The following SLC39A10 variants were observed in gnomAD, a reference collection of about 807,000 sequenced individuals.
The protein encoded by SLC39A10 is solute carrier family 39 member 10, also known as zinc transporter ZIP10.
Under a neutral mutation model 65.1 loss-of-function variants are expected in SLC39A10, and 13 were observed. The observed-to-expected ratio is 0.20, with a 90% confidence interval of 0.13 to 0.32. The LOEUF (loss-of-function observed/expected upper bound fraction) is 0.32. Ranked by LOEUF, SLC39A10 falls within the 10% of genes least tolerant of loss-of-function variation. The probability of loss-of-function intolerance (pLI) is 1.00; values close to 1 mark genes in which losing one functional copy is unlikely to be tolerated. For missense variants in SLC39A10, 831 were observed against 1,018.4 expected (o/e 0.82, Z 2.50); for synonymous variants, 321 against 342.2 (o/e 0.94, Z 0.68).
intron 2 of SLC39A10, 33 bp downstream of exon 2, chr2:195,681,083 G>A (rs367986449): frequency 4.2e-5 from 66 of 1,560,720 alleles, no homozygotes; most frequent in Non-Finnish European, 5.3e-5. Context: ...TAGCTGCTTC[G>A]TAATTCTCAC....
intron 3 of SLC39A10, among the ~76,000 whole-genome samples, chr2:195,701,337 C>CT (rs35540908): frequency 0.067 from 7,042 of 105,858 alleles, 314 homozygotes; most frequent in African/African-American, 0.13. Context: ...ATCTTCTTGA[C>CT]TTTTTTTTTT....
At chr2:195,667,914 T>C (rs1027033575) in intron 1 of SLC39A10, among the ~76,000 whole-genome samples, 3 of 152,178 alleles carry the variant, frequency 2.0e-5, no homozygotes, top group African/African-American at 7.2e-5. Context: ...TAACAAATAT[T>C]TTACAAAAAT....
chr2:195,655,516 T>C (rs939860612), upstream of SLC39A10, among the ~76,000 whole-genome samples: 28 of 152,246 alleles, frequency 1.8e-4, no homozygotes, highest in Admixed American at 1.8e-3. Flanking sequence ...AAGCTTCTTA[T>C]GCTTTGCACA....
intron 8 of SLC39A10, among the ~76,000 whole-genome samples, chr2:195,720,047 C>T (rs1057274189): frequency 3.3e-5 from 5 of 152,156 alleles, no homozygotes; most frequent in African/African-American, 1.2e-4. Context: ...GCCTCGGCCT[C>T]CCAAAGTCCT....
At chr2:195,633,885 TA>T (rs1259239235) in intron 2 of SLC39A10, among the ~76,000 whole-genome samples, 1 of 152,194 alleles carries the variant, frequency 6.6e-6, no homozygotes, top group Non-Finnish European at 1.5e-5. Flanking sequence ...AAAACAGAGA[TA>T]TCAGTTCTCG....
chr2:195,692,553 T>C (rs1690786725), intron 3 of SLC39A10, among the ~76,000 whole-genome samples: 1 of 152,180 alleles, frequency 6.6e-6, no homozygotes, highest in Admixed American at 6.5e-5. Context: ...CTTATAGAGG[T>C]CTTTAACCTA....
At chr2:195,670,141 G>A (rs1325249501) in intron 1 of SLC39A10, among the ~76,000 whole-genome samples, 5 of 152,056 alleles carry the variant, frequency 3.3e-5, no homozygotes, top group Non-Finnish European at 7.4e-5. Flanking sequence ...CCTGGTGACA[G>A]AGCAAGATTC....
intron 8 of SLC39A10, among the ~76,000 whole-genome samples, chr2:195,726,262 C>T (rs887157980): frequency 1.2e-4 from 18 of 151,980 alleles, no homozygotes; most frequent in Non-Finnish European, 1.5e-4. Flanking sequence ...CATTTTTAAA[C>T]GCATTATTAA....
chr2:195,737,174 G>GTATT lies in SLC39A10; in HGVS notation c.*2134_*2137dup, dbSNP rs1553509450. Reference sequence around the variant, plus strand: ...AAGAGGGCTGTAACAGTTGCTGCTAGTATTAGGGTTCCACATCATTCTAAT... The same window carrying GTATT: ...AAGAGGGCTGTAACAGTTGCTGCTAGTATTTATTAGGGTTCCACATCATTCTAAT... On this transcript the variant is annotated 3_prime_UTR_variant, in exon 10 of 10. Coordinates refer to ENST00000359634, the MANE Select transcript of SLC39A10 (RefSeq NM_020342.3). The GTATT allele has an allele frequency of 1.3e-5, 2 of 152,606 alleles. No individual in the cohort carries two copies. The highest frequency in any genetic ancestry group is 6.5e-5 in the Admixed American group (1 of 15,278). 9.5% of individuals were successfully genotyped at this position (152,606 alleles called of 1,614,324 possible).
At chr2:195,653,247 C>G (rs1418453599), upstream of SLC39A10, among the ~76,000 whole-genome samples, 1 of 151,830 alleles carries the variant, frequency 6.6e-6, no homozygotes, top group Non-Finnish European at 1.5e-5. Context: ...TCTCTTTCAT[C>G]AGTCTTAAGG....
chr2:195,666,534 C>T (rs1689643646), intron 1 of SLC39A10, among the ~76,000 whole-genome samples: 2 of 152,200 alleles, frequency 1.3e-5, no homozygotes, highest in South Asian at 4.1e-4. Context: ...TCACAGCTCA[C>T]TGCAGCCTTG....
chr2:195,696,823 G>A (rs1171076002), intron 3 of SLC39A10, among the ~76,000 whole-genome samples: 1 of 152,076 alleles, frequency 6.6e-6, no homozygotes, highest in Non-Finnish European at 1.5e-5. Context: ...AGGAATTTAT[G>A]TAGAATTTAT....
In SLC39A10 at chr2:195,704,305, G is replaced by T. The variant is rs74761618; in HGVS notation, c.1217-2311G>T. Among the ~76,000 whole-genome samples, 700 of 152,200 alleles carry T rather than the reference G, an allele frequency of 4.6e-3. 26 individuals are homozygous for T. In the East Asian group the frequency reaches 0.099, roughly 21 times the overall value. ...TATTAGATTTTTGCCAAAATAATAA[G>T]GAGAAATATATTTGTAAAGGGAAAG... On this transcript the variant is annotated intron_variant, in intron 3 of 9. Coordinates refer to ENST00000359634, the MANE Select transcript of SLC39A10 (RefSeq NM_020342.3).
chr2:195,664,480 G>A (rs564763705), intron 1 of SLC39A10, among the ~76,000 whole-genome samples: 1 of 151,958 alleles, frequency 6.6e-6, no homozygotes, highest in African/African-American at 2.4e-5. Flanking sequence ...GCATGTACAT[G>A]AAAACATCTA....
intron 9 of SLC39A10, among the ~76,000 whole-genome samples, chr2:195,730,605 T>C (rs998490925): frequency 6.6e-6 from 1 of 152,218 alleles, no homozygotes; most frequent in Non-Finnish European, 1.5e-5. Flanking sequence ...CATCTAAATG[T>C]TGGCAAAAGA....
At chr2:195,619,466 C>T (rs975094609) in intron 2 of SLC39A10, among the ~76,000 whole-genome samples, 4 of 152,120 alleles carry the variant, frequency 2.6e-5, no homozygotes, top group Non-Finnish European at 4.4e-5. Context: ...GTGTGGTTTT[C>T]GGTTTCAGAT....
At chr2:195,652,967 A>C (rs1689071944), upstream of SLC39A10, among the ~76,000 whole-genome samples, 1 of 152,082 alleles carries the variant, frequency 6.6e-6, no homozygotes, top group South Asian at 2.1e-4. Context: ...ATGAGAATCT[A>C]ACTAATGCCT....
Position 195,728,105 on chromosome 2 carries a change from T to C in SLC39A10, c.2147-54T>C, listed in dbSNP as rs1692310047. The C allele has an allele frequency of 2.7e-6, 4 of 1,491,116 alleles. No individual in the cohort carries two copies. Among genetic ancestry groups the C allele is most frequent in the Non-Finnish European group, 3.7e-6 (4 of 1,088,890 alleles). The allele number at this position is 1,491,116 out of a possible 1,614,324, so 92.4% of individuals were successfully genotyped here. A position where few individuals can be genotyped will look rare whatever the true frequency, so the allele number is the denominator to read the frequency against. ...ATTTTATTTGTTTTCTCCTTTCAGA[T>C]TTGTGTTTTAAATCCTGTGGTTTTA... On this transcript the variant is annotated intron_variant, in intron 8 of 9. Transcript: ENST00000359634. This position sits in a 1 kb window ranked among gnomAD's most constrained non-coding sequence, Gnocchi z 4.4.
chr2:195,719,918 G>A, intron 8 of SLC39A10, among the ~76,000 whole-genome samples: 1 of 151,888 alleles, frequency 6.6e-6, no homozygotes, highest in African/African-American at 2.4e-5. Flanking sequence ...AGCCTCCTGA[G>A]TAGCTGCGAT....
Sources: allele counts gnomAD v4.1 joint callset (sites outside exome capture counted in the v4.1 genomes callset), GRCh38; gene constraint gnomAD v4.1.1; non-coding constraint Gnocchi (gnomAD v3.1); transcripts MANE v1.5; gene names NCBI Gene and HGNC (gene_info 2026-07-23, HGNC 2026-07-21).